The following GRM7 variants were observed in gnomAD, a reference collection of about 807,000 sequenced individuals.
GRM7 encodes metabotropic glutamate receptor 7.
In GRM7, 35 loss-of-function variants were observed where a neutral mutation model predicts 84.5. That is an observed-to-expected ratio of 0.41 (90% CI 0.32 to 0.55). GRM7 has a LOEUF of 0.55. GRM7 is among the 20% of genes least tolerant of loss of function. The pLI, the probability that GRM7 is intolerant of heterozygous loss-of-function variation, is 0.19. For missense variants in GRM7, 1,003 were observed against 1,194.6 expected, an observed-to-expected ratio of 0.84 and a Z score of 2.36; for synonymous variants, 487 against 455.1, an observed-to-expected ratio of 1.07 and a Z score of -0.89.
chr3:6,907,014 T>C (rs1696603172), intron 1 of GRM7, among the ~76,000 whole-genome samples: 2 of 152,160 alleles, frequency 1.3e-5, no homozygotes, highest in Non-Finnish European at 2.9e-5. Context: ...TAATGCATTT[T>C]TTTATAATCA....
In GRM7 at chr3:7,499,926, C is replaced by A. The variant is rs139839417; in HGVS notation, c.1515+38204C>A. 3.3e-3 allele frequency among the ~76,000 whole-genome samples: 509 copies of A among 152,252 alleles called. 2 individuals are homozygous for A. The highest frequency in any genetic ancestry group is 0.011 in the African/African-American group (453 of 41,554). On this transcript the variant is annotated intron_variant, in intron 7 of 9. Transcript: ENST00000357716. Reference sequence around the variant, plus strand: ...AATAGCTGGGACTACAGGTGCCCGTCACCACGCCCGGCTAATTTTTTGTAT... The same window carrying A: ...AATAGCTGGGACTACAGGTGCCCGTAACCACGCCCGGCTAATTTTTTGTAT...
intron 1 of GRM7, among the ~76,000 whole-genome samples, chr3:6,887,037 C>A (rs1695722812): frequency 6.6e-6 from 1 of 151,956 alleles, no homozygotes; most frequent in African/African-American, 2.4e-5. Context: ...TTGTTTTTAA[C>A]TTCCATACAT....
intron 8 of GRM7, among the ~76,000 whole-genome samples, chr3:7,653,618 T>C (rs1367481207): frequency 6.6e-6 from 1 of 152,204 alleles, no homozygotes; most frequent in African/African-American, 2.4e-5. Context: ...GTTAGTCTCA[T>C]TAAACCAAGG....
chr3:7,617,618 A>G (rs544767168), intron 8 of GRM7, among the ~76,000 whole-genome samples: 1 of 152,160 alleles, frequency 6.6e-6, no homozygotes, highest in Non-Finnish European at 1.5e-5. Flanking sequence ...GAATTCCTGC[A>G]AGGAAAGGAA....
At chr3:7,312,954 T>A (rs1398987780) in intron 4 of GRM7, among the ~76,000 whole-genome samples, 17 of 104,852 alleles carry the variant, frequency 1.6e-4, no homozygotes, top group African/African-American at 3.3e-4. Flanking sequence ...TTTTTTTTTT[T>A]ATCTCACTCT....
chr3:7,232,344 G>A (rs1190752970), intron 2 of GRM7, among the ~76,000 whole-genome samples: 1 of 152,134 alleles, frequency 6.6e-6, no homozygotes, highest in Non-Finnish European at 1.5e-5. Context: ...GCTTCAAAGT[G>A]GGAATGAGAC....
Position 6,889,400 on chromosome 3 carries a change from C to T in GRM7, c.519+27493C>T, listed in dbSNP as rs532133948. Among the ~76,000 whole-genome samples, 255 of 152,046 alleles carry T rather than the reference C, an allele frequency of 1.7e-3. 2 individuals carry two copies. The highest frequency in any genetic ancestry group is 5.6e-3 in the African/African-American group (233 of 41,456). ...AGATAGCTCTTATTATTTTGAGATA[C>T]ATCCCATCAATACCTAATTTATTGA... On this transcript the variant is annotated intron_variant, in intron 1 of 9. Transcript: ENST00000357716.
chr3:7,014,107 G>C (rs1394147140), intron 1 of GRM7, among the ~76,000 whole-genome samples: 1 of 152,066 alleles, frequency 6.6e-6, no homozygotes, highest in Non-Finnish European at 1.5e-5. Flanking sequence ...ATGCATGTGG[G>C]CTGTGGATGC....
intron 8 of GRM7, among the ~76,000 whole-genome samples, chr3:7,646,033 C>G (rs1559461427): frequency 6.6e-6 from 1 of 150,584 alleles, no homozygotes; most frequent in Non-Finnish European, 1.5e-5. Context: ...ATTTCTCTTT[C>G]TCTTGGTTTT....
chr3:7,578,440 G>A lies in GRM7; in HGVS notation c.1534G>A (p.Gly512Ser), dbSNP rs770368513. ...GTTACAGATAGAAGACATGCAGTGG[G>A]GTAAAGGAGTCCGAGAGATACCCGC... Reference protein sequence around the residue: ...LQLNIEDMQWGKGVREIPASV... With the variant: ...LQLNIEDMQWSKGVREIPASV... The change falls in exon 8 of 10, where the codon GGT (glycine) becomes AGT (serine). Residue 512 changes from glycine to serine, a missense_variant. Around this residue, in one of 2 missense-constraint regions of GRM7, gnomAD observed 910 missense variants for 1,126.0 expected, o/e 0.81. Transcript: ENST00000357716. The A allele has an allele frequency of 4.3e-6, 7 of 1,610,280 alleles. No individual in the cohort carries two copies. The highest frequency in any genetic ancestry group is 5.9e-6 in the Non-Finnish European group (7 of 1,176,904).
At chr3:7,484,958 T>G (rs905977638) in intron 7 of GRM7, among the ~76,000 whole-genome samples, 6 of 152,196 alleles carry the variant, frequency 3.9e-5, no homozygotes, top group African/African-American at 1.4e-4. Context: ...TTGAAAGAAG[T>G]TAGCTGCCAG....
At chr3:7,481,604 G>A (rs1462512474) in intron 7 of GRM7, among the ~76,000 whole-genome samples, 1 of 152,156 alleles carries the variant, frequency 6.6e-6, no homozygotes, top group East Asian at 1.9e-4. Flanking sequence ...TAGCTGGCAG[G>A]ATTATTTTAA....
At chr3:7,141,755 A>C (rs994521482) in intron 1 of GRM7, among the ~76,000 whole-genome samples, 6 of 152,090 alleles carry the variant, frequency 3.9e-5, no homozygotes, top group African/African-American at 1.4e-4. Context: ...AAATAGTAGA[A>C]GATACACCCT....
At chr3:7,379,171 C>G (rs759615664) in intron 4 of GRM7, among the ~76,000 whole-genome samples, 35 of 152,140 alleles carry the variant, frequency 2.3e-4, no homozygotes, top group Non-Finnish European at 4.1e-4. Flanking sequence ...CTCTCAGGTT[C>G]AAGCAATTCT....
chr3:6,981,829 A>G (rs58868836), intron 1 of GRM7, among the ~76,000 whole-genome samples: 11,855 of 152,228 alleles, frequency 0.078, 1,547 homozygotes, highest in African/African-American at 0.27. Flanking sequence ...AAAAAAAATA[A>G]AAACACTTAT....
At chr3:7,160,447 C>T (rs1694588735) in intron 2 of GRM7, among the ~76,000 whole-genome samples, 1 of 152,120 alleles carries the variant, frequency 6.6e-6, no homozygotes, top group South Asian at 2.1e-4. Flanking sequence ...TTCAGAATGC[C>T]AGGAGAGTGC....
At chr3:7,122,056 T>G (rs1212197806) in intron 1 of GRM7, among the ~76,000 whole-genome samples, 1 of 152,198 alleles carries the variant, frequency 6.6e-6, no homozygotes, top group Non-Finnish European at 1.5e-5. Context: ...TCTGTTACTT[T>G]CCAGCCTCCA....
At chr3:7,309,368 C>T (rs1020718237) in intron 4 of GRM7, among the ~76,000 whole-genome samples, 4 of 152,120 alleles carry the variant, frequency 2.6e-5, no homozygotes, top group Admixed American at 1.3e-4. Context: ...CCTGTCCTTC[C>T]CTACAGTCAT....
chr3:7,231,393 CAT>C (rs2124900916), intron 2 of GRM7, among the ~76,000 whole-genome samples: 1 of 152,228 alleles, frequency 6.6e-6, no homozygotes, highest in East Asian at 1.9e-4. Flanking sequence ...AACAGATGAA[CAT>C]ATGGCATTCT....
Sources: allele counts gnomAD v4.1 joint callset (sites outside exome capture counted in the v4.1 genomes callset), GRCh38; gene constraint gnomAD v4.1.1; regional missense constraint gnomAD v4.1.1; transcripts MANE v1.5; gene names NCBI Gene and HGNC (gene_info 2026-07-23, HGNC 2026-07-21).